The following CTIF variants were observed in gnomAD, a reference collection of about 807,000 sequenced individuals.
CTIF encodes CBP80/20-dependent translation initiation factor.
In CTIF, 21 loss-of-function variants were observed where a neutral mutation model predicts 66.0. That is an observed-to-expected ratio of 0.32 (90% CI 0.23 to 0.46). The LOEUF is 0.46. Among genes scored for constraint, CTIF ranks in the 20% least tolerant of loss-of-function variants. The probability of loss-of-function intolerance (pLI) is 1.00; values close to 1 mark genes in which losing one functional copy is unlikely to be tolerated. For missense variants in CTIF, 739 were observed against 812.7 expected (o/e 0.91, Z 1.10); for synonymous variants, 345 against 326.4 (o/e 1.06, Z -0.62).
At chr18:48,731,149 A>G (rs144053098) in intron 7 of CTIF, among the ~76,000 whole-genome samples, 73 of 152,166 alleles carry the variant, frequency 4.8e-4, no homozygotes, top group African/African-American at 1.7e-3. Flanking sequence ...TTCCTCTTTG[A>G]TCTGGGGCTC....
intron 1 of CTIF, among the ~76,000 whole-genome samples, chr18:48,615,873 G>A (rs1297095693): frequency 2.6e-5 from 4 of 152,240 alleles, no homozygotes; most frequent in East Asian, 1.9e-4. Context: ...AGGACGTGAG[G>A]ACACAAGAGG....
At chr18:48,604,173 T>TTG (rs1820684977) in intron 1 of CTIF, among the ~76,000 whole-genome samples, 2 of 114,452 alleles carry the variant, frequency 1.7e-5, no homozygotes, top group African/African-American at 3.3e-5. Context: ...TAAGGGTTTT[T>TTG]TTTTTTTTTT....
At chr18:48,656,677 G>C (rs1465908063) in intron 3 of CTIF, among the ~76,000 whole-genome samples, 1 of 152,148 alleles carries the variant, frequency 6.6e-6, no homozygotes, top group Admixed American at 6.5e-5. Flanking sequence ...CTGGTATGGG[G>C]CCCCCTAATT....
chr18:48,636,173 T>A (rs968971970), intron 2 of CTIF, among the ~76,000 whole-genome samples: 2 of 152,190 alleles, frequency 1.3e-5, no homozygotes, highest in Admixed American at 6.5e-5. Flanking sequence ...AAACCCATCA[T>A]CTTTTGGAGC....
intron 1 of CTIF, among the ~76,000 whole-genome samples, chr18:48,570,150 T>C (rs978409854): frequency 1.3e-5 from 2 of 152,004 alleles, no homozygotes; most frequent in Non-Finnish European, 2.9e-5. Context: ...AGGTAGACAA[T>C]AACCACTCCC....
At chr18:48,563,517 G>T (rs2089210510) in intron 1 of CTIF, among the ~76,000 whole-genome samples, 2 of 152,246 alleles carry the variant, frequency 1.3e-5, no homozygotes, top group South Asian at 4.1e-4. Flanking sequence ...TGTCACCCAG[G>T]CTGGAGTGCA....
chr18:48,839,787 C>A (rs914669285), intron 10 of CTIF, among the ~76,000 whole-genome samples: 2 of 152,194 alleles, frequency 1.3e-5, no homozygotes, highest in Non-Finnish European at 2.9e-5. Context: ...TTACTACCCC[C>A]TTCAGACACC....
chr18:48,720,613 A>G (rs2092326302), intron 7 of CTIF, among the ~76,000 whole-genome samples: 2 of 152,130 alleles, frequency 1.3e-5, no homozygotes, highest in Admixed American at 6.5e-5. Context: ...AATTATTTTT[A>G]GGATCCTTCT....
chr18:48,632,730 T>A (rs905974325), intron 2 of CTIF, among the ~76,000 whole-genome samples: 7 of 152,190 alleles, frequency 4.6e-5, no homozygotes, highest in African/African-American at 1.7e-4. Flanking sequence ...CTGGGTTGCC[T>A]GCTTTTCCTC....
chr18:48,572,660 CGGA>C (rs1226925858), intron 1 of CTIF, among the ~76,000 whole-genome samples: 5 of 152,072 alleles, frequency 3.3e-5, no homozygotes, highest in African/African-American at 4.8e-5. Context: ...GATCTGGCCC[CGGA>C]AGAAGAAGGT....
chr18:48,850,094 C>T (rs1021917095), intron 10 of CTIF, among the ~76,000 whole-genome samples: 4 of 152,156 alleles, frequency 2.6e-5, no homozygotes, highest in African/African-American at 9.7e-5. Context: ...CTAGGGACCT[C>T]ATAGAAGTGG....
intron 10 of CTIF, among the ~76,000 whole-genome samples, chr18:48,822,576 G>A (rs2068507929): frequency 7.7e-6 from 1 of 130,000 alleles, no homozygotes; most frequent in Non-Finnish European, 1.6e-5. Flanking sequence ...GGACATTTGG[G>A]TTGTTTCCGT....
chr18:48,750,399 G>T (rs1382589014), intron 7 of CTIF, among the ~76,000 whole-genome samples: 1 of 152,252 alleles, frequency 6.6e-6, no homozygotes, highest in Non-Finnish European at 1.5e-5. Flanking sequence ...GTATCCCCAA[G>T]AAAGCCTTTT....
intron 1 of CTIF, among the ~76,000 whole-genome samples, chr18:48,543,162 GGTTAT>G (rs2088662407): frequency 6.6e-6 from 1 of 152,218 alleles, no homozygotes; most frequent in South Asian, 2.1e-4. Flanking sequence ...CTTGTTTTAA[GGTTAT>G]GTTGTTTGCA....
intron 9 of CTIF, among the ~76,000 whole-genome samples, chr18:48,783,237 C>T (rs1452896184): frequency 6.6e-6 from 1 of 152,176 alleles, no homozygotes; most frequent in African/African-American, 2.4e-5. Flanking sequence ...GGCCAGTCCA[C>T]CAACCACAGC....
chr18:48,612,533 T>G lies in CTIF; in HGVS notation c.-28-7005T>G, dbSNP rs999862848. 3.9e-5 allele frequency among the ~76,000 whole-genome samples: 6 copies of G among 152,324 alleles called. 1 individual carries two copies. In the South Asian group the frequency reaches 1.2e-3, roughly 32 times the overall value. The stretch of plus-strand genomic sequence containing the variant: ...ATAATAGTCACCAGGAGCTGCTTGC[T>G]GGAGAGCAACCTGGGAGCACAGTGC... On this transcript the variant is annotated intron_variant, in intron 1 of 11. Coordinates refer to ENST00000256413, the MANE Select transcript of CTIF (RefSeq NM_014772.3).
At position 48,578,743 on chromosome 18, in the gene CTIF, A is replaced by G. The variant is rs948187895; in HGVS notation, c.-29+39431A>G. Among the ~76,000 whole-genome samples the G allele has an allele frequency of 7.9e-5, 12 of 152,346 alleles. No homozygotes were observed. The South Asian group carries it at 2.1e-3, about 26-fold the overall frequency. On this transcript the variant is annotated intron_variant, in intron 1 of 11. Coordinates refer to ENST00000256413, the MANE Select transcript of CTIF (RefSeq NM_014772.3). ...TAAGAGTTCTTCGTATACTCTAAAT[A>G]CTAGACCCTTACCAGAATTTGCAAA... is the stretch of plus-strand genomic sequence containing the variant.
intron 10 of CTIF, among the ~76,000 whole-genome samples, chr18:48,833,092 C>G (rs1010253176): frequency 6.6e-6 from 1 of 152,212 alleles, no homozygotes; most frequent in Admixed American, 6.5e-5. Context: ...GAGGCTGCCC[C>G]AGGCTTGGAT....
intron 10 of CTIF, among the ~76,000 whole-genome samples, chr18:48,828,495 C>T (rs1182620950): frequency 6.6e-6 from 1 of 152,200 alleles, no homozygotes; most frequent in African/African-American, 2.4e-5. Context: ...CCTTCCAGTT[C>T]CCTCCCGGGG....
Sources: allele counts gnomAD v4.1 joint callset (sites outside exome capture counted in the v4.1 genomes callset), GRCh38; gene constraint gnomAD v4.1.1; transcripts MANE v1.5; gene names NCBI Gene and HGNC (gene_info 2026-07-23, HGNC 2026-07-21).